RELN: variants seen among roughly 807,000 people sequenced by gnomAD.
RELN encodes reelin.
Under a neutral mutation model 427.6 loss-of-function variants are expected in RELN, and 108 were observed. The ratio of observed to expected loss-of-function variants is 0.25; its 90% CI spans 0.22 to 0.30. The LOEUF is 0.30. Among genes scored for constraint, RELN ranks in the 10% least tolerant of loss-of-function variants. RELN has a pLI of 1.00. For missense variants in RELN, 3,715 were observed against 4,302.8 expected, an observed-to-expected ratio of 0.86 and a Z score of 3.82; for synonymous variants, 1,524 against 1,513.4, an observed-to-expected ratio of 1.01 and a Z score of -0.16.
chr7:103,613,177 G>C (rs1177228133), intron 20 of RELN, among the ~76,000 whole-genome samples: 1 of 152,304 alleles, frequency 6.6e-6, no homozygotes, highest in Non-Finnish European at 1.5e-5. Flanking sequence ...AATGGGGCTA[G>C]TAAATGGGAT....
At chr7:103,768,037 C>A (rs563951251) in intron 4 of RELN, among the ~76,000 whole-genome samples, 77 of 152,136 alleles carry the variant, frequency 5.1e-4, no homozygotes, top group South Asian at 6.2e-4. Context: ...CTCTTCACTG[C>A]AATGTAGACT....
In RELN at chr7:103,573,225, G is replaced by GC. The variant is rs1199884734; in HGVS notation, c.4511+866dup. Among the ~76,000 whole-genome samples, 2 of 152,226 alleles carry GC rather than the reference G, an allele frequency of 1.3e-5. No homozygotes were observed. The highest frequency in any genetic ancestry group is 1.3e-4 in the Admixed American group (2 of 15,288). ...CAAAGTGCTGGCATTACAGGTGTGAGCTACCGCATCCAGCCAAGATGAGGA... is the reference window on the plus strand; with the variant it reads ...CAAAGTGCTGGCATTACAGGTGTGAGCCTACCGCATCCAGCCAAGATGAGGA... On this transcript the variant is annotated intron_variant, in intron 30 of 64. Coordinates refer to ENST00000428762, the MANE Select transcript of RELN (RefSeq NM_005045.4). This position sits in a 1 kb window ranked among gnomAD's most constrained non-coding sequence, Gnocchi z 4.4.
At chr7:103,788,790 A>G (rs1201830626) in intron 3 of RELN, among the ~76,000 whole-genome samples, 1 of 152,232 alleles carries the variant, frequency 6.6e-6, no homozygotes. Context: ...TGCTATCCCC[A>G]TCAAGTTACT....
At chr7:103,741,749 A>T (rs1477585973) in intron 6 of RELN, among the ~76,000 whole-genome samples, 2 of 152,040 alleles carry the variant, frequency 1.3e-5, no homozygotes, top group African/African-American at 4.8e-5. Flanking sequence ...CACCTAGAAT[A>T]CACTAGACCT....
Position 103,561,701 on chromosome 7 carries a change from C to T in RELN, c.5360G>A (p.Arg1787Gln), listed in dbSNP as rs372887562. 3.3e-5 allele frequency: 54 copies of T among 1,613,754 alleles called. No homozygotes were observed. The South Asian group carries it at 4.3e-4, about 13-fold the overall frequency. Residue 1787 changes from arginine to glutamine, a missense_variant, in exon 36 of 65, where the codon CGG (arginine) becomes CAG (glutamine). This residue lies in a region of RELN where 2,208 missense variants were observed against 2,361.7 expected (regional missense o/e 0.93). Coordinates refer to ENST00000428762, the MANE Select transcript of RELN (RefSeq NM_005045.4). ...AACACAATAGGGTCCACCAAAGCCC[C>T]GGTCACACCTAAGAAAGAGAGGGAG... ...ICDAGRCVCD[R>Q]GFGGPYCVPV... is the part of the protein sequence containing the mutation.
chr7:103,541,643 A>G (rs576550690), intron 43 of RELN, among the ~76,000 whole-genome samples: 57 of 152,250 alleles, frequency 3.7e-4, no homozygotes, highest in Non-Finnish European at 6.9e-4. Flanking sequence ...ACAATCATTT[A>G]CAGAGAAATA....
intron 4 of RELN, among the ~76,000 whole-genome samples, chr7:103,756,301 G>A (rs2116103493): frequency 6.6e-6 from 1 of 152,316 alleles, no homozygotes; most frequent in South Asian, 2.1e-4. Flanking sequence ...CTCTGAGGGT[G>A]GAGGCCCGGA....
chr7:103,483,913 T>C (rs1379486445), intron 61 of RELN, 63 bp from the exon 62 acceptor site: 2 of 1,491,758 alleles, frequency 1.3e-6, no homozygotes, highest in Non-Finnish European at 1.8e-6. Context: ...GGAGTCTTGC[T>C]CTGTCACCCA....
At chr7:103,604,542 A>G (rs896712728) in intron 22 of RELN, 59 bp from the exon 23 acceptor site, 1 of 1,574,652 alleles carries the variant, frequency 6.4e-7, no homozygotes. Flanking sequence ...TGACATTGGC[A>G]AAGAATGTCA....
At chr7:103,823,246 GAA>G (rs140055520) in intron 3 of RELN, among the ~76,000 whole-genome samples, 77,130 of 151,562 alleles carry the variant, frequency 0.51, 19,886 homozygotes, top group Admixed American at 0.6. Context: ...TTATCTCTTA[GAA>G]ACAGCATACT....
chr7:103,805,071 G>A (rs892606523), intron 3 of RELN, among the ~76,000 whole-genome samples: 5 of 139,162 alleles, frequency 3.6e-5, no homozygotes, highest in Admixed American at 7.4e-5. Flanking sequence ...CTCAGGTTGA[G>A]TGGAAAAAAA....
At chr7:103,499,102 C>T (rs1327935408) in intron 53 of RELN, among the ~76,000 whole-genome samples, 1 of 152,124 alleles carries the variant, frequency 6.6e-6, no homozygotes, top group Non-Finnish European at 1.5e-5. Flanking sequence ...GGCAGGGACA[C>T]TTGAAACCAA....
chr7:103,868,095 G>C (rs569065092), intron 2 of RELN, among the ~76,000 whole-genome samples: 1 of 152,024 alleles, frequency 6.6e-6, no homozygotes, highest in African/African-American at 2.4e-5. Context: ...TAATTGGATG[G>C]CACTCCATAT....
chr7:103,906,542 TCTCTC>T (rs2116636455), intron 2 of RELN, among the ~76,000 whole-genome samples: 1 of 152,180 alleles, frequency 6.6e-6, no homozygotes, highest in African/African-American at 2.4e-5. Flanking sequence ...TGACTCTCTC[TCTCTC>T]CTCCTCTCTC....
intron 2 of RELN, among the ~76,000 whole-genome samples, chr7:103,878,564 G>C (rs1794536971): frequency 6.6e-6 from 1 of 152,086 alleles, no homozygotes; most frequent in Non-Finnish European, 1.5e-5. Context: ...GACTAGAGGT[G>C]TGTGAATGGG....
rs749356183 is a variant in RELN, at chr7:103,489,758, G to A, written c.9747C>T (p.Cys3249=). 1.1e-4 allele frequency: 171 copies of A among 1,613,922 alleles called. No homozygotes were observed. The highest frequency in any genetic ancestry group is 2.0e-4 in the African/African-American group (15 of 74,910). ...GATTCAGACCTTGGAAGCTCTCGTC[G>A]CAGATGCAGATGGCACCGGTCGTGC... The part of the protein sequence containing the change: ...GYCTTGAICI[C]DESFQGDDCS... Residue 3249 remains cysteine (C), a synonymous_variant, in exon 60 of 65, where the codon TGC becomes TGT. Transcript: ENST00000428762.
At chr7:103,750,767 G>A (rs1790979007) in intron 5 of RELN, among the ~76,000 whole-genome samples, 1 of 151,966 alleles carries the variant, frequency 6.6e-6, no homozygotes, top group African/African-American at 2.4e-5. Context: ...AACTGCATAA[G>A]AGAATTTATC....
At chr7:103,714,665 G>T (rs1789893218) in intron 8 of RELN, among the ~76,000 whole-genome samples, 1 of 152,134 alleles carries the variant, frequency 6.6e-6, no homozygotes, top group Non-Finnish European at 1.5e-5. Flanking sequence ...TTCAGGGGCC[G>T]TAGCCAAAAC....
At chr7:103,906,544 TCTC>T (rs1199850202) in intron 2 of RELN, among the ~76,000 whole-genome samples, 4 of 150,862 alleles carry the variant, frequency 2.7e-5, no homozygotes, top group Admixed American at 1.3e-4. Flanking sequence ...ACTCTCTCTC[TCTC>T]CTCCTCTCTC....
Sources: gnomAD v4.1 joint callset for allele counts (sites outside exome capture counted in the v4.1 genomes callset) on GRCh38, gnomAD v4.1.1 for gene constraint, gnomAD v4.1.1 regional missense constraint, Gnocchi (gnomAD v3.1) non-coding constraint, MANE v1.5 for transcripts, NCBI Gene and HGNC (gene_info 2026-07-23, HGNC 2026-07-21) for gene names.